DHRS7B: variants seen among roughly 807,000 people sequenced by gnomAD.
DHRS7B encodes the protein peroxisomal reductase activating PPAR-gamma.
DHRS7B carries 24 observed loss-of-function variants against 26.4 expected under a neutral mutation model. The ratio of observed to expected loss-of-function variants is 0.91; its 90% CI spans 0.66 to 1.28. The LOEUF is 1.28. DHRS7B is among the 50% of genes most tolerant of loss of function. The pLI, the probability that DHRS7B is intolerant of heterozygous loss-of-function variation, is 0.00. For synonymous variants in DHRS7B, 142 were observed against 166.4 expected, an observed-to-expected ratio of 0.85 and a Z score of 1.13; for missense variants, 368 against 419.4, an observed-to-expected ratio of 0.88 and a Z score of 1.07.
chr17:21,139,393 A>C (rs1447110983), intron 1 of DHRS7B, among the ~76,000 whole-genome samples: 2 of 152,138 alleles, frequency 1.3e-5, no homozygotes, highest in African/African-American at 4.8e-5. Context: ...CTGCTTGATT[A>C]GGCCACGCAT....
At chr17:21,138,758 AAG>A (rs1973424004) in intron 1 of DHRS7B, among the ~76,000 whole-genome samples, 1 of 152,260 alleles carries the variant, frequency 6.6e-6, no homozygotes, top group Admixed American at 6.5e-5. Flanking sequence ...CTTTTTTAAA[AAG>A]GACACATCCT....
intron 1 of DHRS7B, chr17:21,166,458 A>G (rs1974115182): frequency 7.1e-6 from 7 of 984,964 alleles, no homozygotes; most frequent in Non-Finnish European, 7.2e-6. Context: ...CTGGCAAGGT[A>G]GCTGCCATCT....
rs779085266 is a variant in DHRS7B at position 21,184,361 on chromosome 17, C to A, written c.527-10C>A. The A allele has an allele frequency of 2.2e-5, 35 of 1,611,234 alleles. No individual in the cohort carries two copies. The Admixed American group carries it at 5.9e-4, about 27-fold the overall frequency. ...AGGGCGCTTGCCTAAGCCTCTGCATCTGTCCTCAGCACTCCTGCCCTCCAT... is the reference window on the plus strand; with the variant it reads ...AGGGCGCTTGCCTAAGCCTCTGCATATGTCCTCAGCACTCCTGCCCTCCAT... On this transcript the variant is annotated splice_polypyrimidine_tract_variant and intron_variant, in intron 4 of 6. Coordinates refer to ENST00000395511, the MANE Select transcript of DHRS7B (RefSeq NM_015510.5).
At chr17:21,139,196 A>C (rs1420665781) in intron 1 of DHRS7B, among the ~76,000 whole-genome samples, 1 of 152,342 alleles carries the variant, frequency 6.6e-6, no homozygotes, top group East Asian at 1.9e-4. Flanking sequence ...GCCTAAAGCC[A>C]TGAGGTTAGA....
chr17:21,166,747 T>A (rs1347315395), intron 1 of DHRS7B, among the ~76,000 whole-genome samples: 2 of 152,188 alleles, frequency 1.3e-5, no homozygotes, highest in East Asian at 3.9e-4. Flanking sequence ...TTAGCAATAC[T>A]AAGCCACTCC....
At chr17:21,158,125 C>T (rs1257563267) in intron 1 of DHRS7B, among the ~76,000 whole-genome samples, 1 of 152,078 alleles carries the variant, frequency 6.6e-6, no homozygotes, top group African/African-American at 2.4e-5. Flanking sequence ...TTAAAAAAAA[C>T]TACAGCCATC....
chr17:21,144,674 C>T (rs1045339917), intron 1 of DHRS7B, among the ~76,000 whole-genome samples: 2 of 151,942 alleles, frequency 1.3e-5, no homozygotes, highest in Admixed American at 6.6e-5. Context: ...AAAAATTAGC[C>T]AGGCATAGTG....
intron 1 of DHRS7B, among the ~76,000 whole-genome samples, chr17:21,156,264 C>A (rs1447845212): frequency 1.3e-5 from 2 of 152,148 alleles, no homozygotes; most frequent in Non-Finnish European, 2.9e-5. Context: ...TGACTAATAT[C>A]AGAAATGAAA....
intron 1 of DHRS7B, among the ~76,000 whole-genome samples, chr17:21,136,947 C>G (rs951849530): frequency 6.6e-5 from 10 of 151,322 alleles, no homozygotes; most frequent in African/African-American, 2.4e-4. Context: ...AGTTTTTTGG[C>G]TTTTAAAATT....
intron 3 of DHRS7B, among the ~76,000 whole-genome samples, chr17:21,181,519 G>C: frequency 6.6e-6 from 1 of 152,212 alleles, no homozygotes. Context: ...ATGTAGGAAG[G>C]CATCACATGG....
chr17:21,158,831 AAAC>A (rs1478779058), intron 1 of DHRS7B, among the ~76,000 whole-genome samples: 13 of 152,314 alleles, frequency 8.5e-5, no homozygotes, highest in East Asian at 7.7e-4. Flanking sequence ...GATATTGGTG[AAAC>A]AACAAGTAGA....
intron 1 of DHRS7B, among the ~76,000 whole-genome samples, chr17:21,142,231 G>A (rs1973533060): frequency 6.6e-6 from 1 of 152,162 alleles, no homozygotes; most frequent in Admixed American, 6.5e-5. Context: ...ACGTGACAGG[G>A]GCTGCAAGCA....
chr17:21,127,071 T>A, intron 1 of DHRS7B, 80 bp downstream of exon 1: 1 of 1,406,224 alleles, frequency 7.1e-7, no homozygotes, highest in Non-Finnish European at 9.3e-7. Flanking sequence ...CCGGCTTGGG[T>A]GAGGGGAAGC....
intron 1 of DHRS7B, chr17:21,171,751 C>T (rs1894914831): frequency 3.5e-6 from 2 of 578,092 alleles, no homozygotes; most frequent in East Asian, 3.3e-5. Context: ...ATGTCCTAGG[C>T]TGAATGGCAA....
intron 1 of DHRS7B, among the ~76,000 whole-genome samples, chr17:21,142,985 G>A (rs1051133676): frequency 1.3e-5 from 2 of 152,178 alleles, no homozygotes; most frequent in Non-Finnish European, 1.5e-5. Flanking sequence ...CTGGAGTGCC[G>A]TGGCACAATC....
chr17:21,136,373 C>G (rs1973341555), intron 1 of DHRS7B, among the ~76,000 whole-genome samples: 1 of 150,106 alleles, frequency 6.7e-6, no homozygotes, highest in Non-Finnish European at 1.5e-5. Context: ...CCCTGTAACT[C>G]AATGTCACAA....
chr17:21,191,008 C>T lies in DHRS7B; in HGVS notation c.833C>T (p.Ala278Val). 1 of 1,614,256 alleles carries T rather than the reference C, an allele frequency of 6.2e-7. No individual in the cohort carries two copies. Among genetic ancestry groups the T allele is most frequent in the Non-Finnish European group, 8.5e-7 (1 of 1,180,054 alleles). ...SPVEVAQDVLAAVGKKKKDVI... is the reference protein window; with the variant it reads ...SPVEVAQDVLVAVGKKKKDVI... ...GTGGAGGTGGCCCAGGATGTTCTTG[C>T]TGCTGTGGGGAAGAAGAAGAAAGAT... Residue 278 changes from alanine to valine, a missense_variant, in exon 7 of 7, where the codon GCT becomes GTT. Physicochemically the swap from Ala to Val is moderately conservative, Grantham distance 64 (BLOSUM62 0). Transcript: ENST00000395511.
At position 21,181,878 on chromosome 17, in the gene DHRS7B, T is replaced by TCGTGC. The variant is rs1555540186; in HGVS notation, c.310-1715_310-1714insGTGCC. Among the ~76,000 whole-genome samples the TCGTGC allele has an allele frequency of 8.2e-3, 1,248 of 151,654 alleles. 16 individuals are homozygous for TCGTGC. The highest frequency in any genetic ancestry group is 0.028 in the African/African-American group (1,163 of 41,366). Reference sequence around the variant, plus strand: ...TTATTGGAATTTCCTATATATAGAATCATCTGCAAACAGAGGTAGTTTTAC... The same window carrying TCGTGC: ...TTATTGGAATTTCCTATATATAGAATCGTGCCATCTGCAAACAGAGGTAGTTTTAC... On this transcript the variant is annotated intron_variant, in intron 3 of 6. Transcript: ENST00000395511.
rs146285566 is a variant in DHRS7B at position 21,172,089 on chromosome 17, G to A, written c.92G>A (p.Cys31Tyr). 3.1e-6 allele frequency: 5 copies of A among 1,614,226 alleles called. No individual in the cohort carries two copies. The South Asian group carries it at 4.4e-5, about 14-fold the overall frequency. ...GCCATCCTGCCCCTGCTGTTCGGCT[G>A]CCTGGGCGTCTTCGGCCTCTTCCGG... ...STAILPLLFGCLGVFGLFRLL... is the reference protein window; with the variant it reads ...STAILPLLFGYLGVFGLFRLL... The change falls in exon 2 of 7, where the codon TGC becomes TAC. Residue 31 changes from cysteine (C) to tyrosine (Y), a missense_variant. Transcript: ENST00000395511.
Sources: gnomAD v4.1 joint callset for allele counts (sites outside exome capture counted in the v4.1 genomes callset) on GRCh38, gnomAD v4.1.1 for gene constraint, MANE v1.5 for transcripts, NCBI Gene and HGNC (gene_info 2026-07-23, HGNC 2026-07-21) for gene names.